The following LRRTM4 variants were observed in gnomAD, a reference collection of about 807,000 sequenced individuals.
LRRTM4 encodes leucine rich repeat transmembrane neuronal 4.
Under a neutral mutation model 47.6 loss-of-function variants are expected in LRRTM4, and 25 were observed. That is an observed-to-expected ratio of 0.53 (90% CI 0.38 to 0.73). The LOEUF (loss-of-function observed/expected upper bound fraction) is 0.73. Ranked by LOEUF, LRRTM4 falls within the 30% of genes least tolerant of loss-of-function variation. LRRTM4 has a pLI of 0.00. For synonymous variants in LRRTM4, 311 were observed against 269.5 expected (o/e 1.15, Z -1.51); for missense variants, 638 against 713.4 (o/e 0.89, Z 1.20).
chr2:76,962,163 A>G (rs1002883282), intron 3 of LRRTM4, among the ~76,000 whole-genome samples: 1 of 151,356 alleles, frequency 6.6e-6, no homozygotes, highest in Admixed American at 6.6e-5. Context: ...TTTAAATGGT[A>G]GGTCAAATAT....
intron 3 of LRRTM4, among the ~76,000 whole-genome samples, chr2:77,031,074 G>A (rs535390802): frequency 2.0e-5 from 3 of 152,040 alleles, no homozygotes; most frequent in Non-Finnish European, 4.4e-5. Context: ...ATTTACTCAG[G>A]TTTGTAAGCA....
At chr2:77,381,905 T>C (rs1673068810) in intron 3 of LRRTM4, among the ~76,000 whole-genome samples, 1 of 152,108 alleles carries the variant, frequency 6.6e-6, no homozygotes, top group Admixed American at 6.6e-5. Context: ...CTTATTTATA[T>C]GCCATTTATA....
intron 3 of LRRTM4, among the ~76,000 whole-genome samples, chr2:77,499,742 C>A (rs1678501894): frequency 6.6e-6 from 1 of 151,858 alleles, no homozygotes; most frequent in Admixed American, 6.6e-5. Context: ...CTGTAAGTTT[C>A]CATAGTCCCT....
At chr2:77,470,798 A>G (rs1428559100) in intron 3 of LRRTM4, among the ~76,000 whole-genome samples, 1 of 152,156 alleles carries the variant, frequency 6.6e-6, no homozygotes, top group African/African-American at 2.4e-5. Flanking sequence ...TTCCATTTAG[A>G]TTATATGGAT....
chr2:77,518,552 G>T lies in LRRTM4; in HGVS notation c.1317C>A (p.Ile439=). The T allele has an allele frequency of 6.2e-7, 1 of 1,613,362 alleles. No homozygotes were observed. Among genetic ancestry groups the T allele is most frequent in the Non-Finnish European group, 8.5e-7 (1 of 1,179,602 alleles). Residue 439 remains isoleucine (I), a synonymous_variant, in exon 3 of 4, where the codon ATC becomes ATA. Transcript: ENST00000409884. Reference sequence around the variant, plus strand: ...TCCAAGACACATAGATCACCAAGAGGATCATGGCCACTGAGAGAAAGAGAG... The same window carrying T: ...TCCAAGACACATAGATCACCAAGAGTATCATGGCCACTGAGAGAAAGAGAG... ...SVALFLSVAM[I]LLVIYVSWKR...
At chr2:77,253,074 A>C (rs1406975678) in intron 3 of LRRTM4, among the ~76,000 whole-genome samples, 1 of 152,120 alleles carries the variant, frequency 6.6e-6, no homozygotes, top group Non-Finnish European at 1.5e-5. Flanking sequence ...TGTCCACGCT[A>C]ATACCAGGGA....
At position 76,857,652 on chromosome 2, in the gene LRRTM4, A is replaced by C. The variant is rs1448400202; in HGVS notation, c.1552-108736T>G. Reference sequence around the variant, plus strand: ...TTCAGTTACCAAATAAATGTCCTGCATAATTGTTTATACTGATAGTGGTGA... The same window carrying C: ...TTCAGTTACCAAATAAATGTCCTGCCTAATTGTTTATACTGATAGTGGTGA... On this transcript the variant is annotated intron_variant, in intron 3 of 3. Coordinates refer to ENST00000409884, the MANE Select transcript of LRRTM4 (RefSeq NM_001134745.3). Among the ~76,000 whole-genome samples the C allele has an allele frequency of 2.6e-5, 4 of 152,142 alleles. No individual in the cohort carries two copies. In the South Asian group the frequency reaches 8.3e-4, roughly 31 times the overall value.
At chr2:76,840,047 A>G (rs561903207) in intron 3 of LRRTM4, among the ~76,000 whole-genome samples, 1 of 152,278 alleles carries the variant, frequency 6.6e-6, no homozygotes, top group East Asian at 1.9e-4. Flanking sequence ...TTCTACTCCA[A>G]GAAAAGCCTC....
chr2:77,278,368 T>G (rs1460555639), intron 3 of LRRTM4, among the ~76,000 whole-genome samples: 1 of 152,058 alleles, frequency 6.6e-6, no homozygotes, highest in Non-Finnish European at 1.5e-5. Context: ...TTTCTTTGCA[T>G]GTAACATTGT....
intron 3 of LRRTM4, among the ~76,000 whole-genome samples, chr2:77,218,728 A>G (rs893505009): frequency 6.6e-6 from 1 of 152,184 alleles, no homozygotes; most frequent in Non-Finnish European, 1.5e-5. Context: ...CTAATGCTGC[A>G]TATCCAGCTT....
At chr2:77,141,023 G>C (rs1672106387) in intron 3 of LRRTM4, among the ~76,000 whole-genome samples, 1 of 152,122 alleles carries the variant, frequency 6.6e-6, no homozygotes, top group African/African-American at 2.4e-5. Flanking sequence ...CACTGTTGGT[G>C]GGACTGTAAA....
chr2:76,849,690 T>A (rs1332450106), intron 3 of LRRTM4, among the ~76,000 whole-genome samples: 4 of 152,128 alleles, frequency 2.6e-5, no homozygotes, highest in Non-Finnish European at 5.9e-5. Flanking sequence ...ATAATTTTCA[T>A]AGCAAGTCAA....
At chr2:77,508,218 T>G (rs1678852329) in intron 3 of LRRTM4, among the ~76,000 whole-genome samples, 1 of 152,168 alleles carries the variant, frequency 6.6e-6, no homozygotes, top group Non-Finnish European at 1.5e-5. Flanking sequence ...TATAACTATT[T>G]TCTAAGGTGA....
At chr2:76,813,022 G>C (rs1251911676) in intron 3 of LRRTM4, among the ~76,000 whole-genome samples, 2 of 151,838 alleles carry the variant, frequency 1.3e-5, no homozygotes, top group African/African-American at 4.8e-5. Flanking sequence ...AAAATTAGCT[G>C]GCATGGTGGT....
At chr2:77,219,550 G>T in intron 3 of LRRTM4, among the ~76,000 whole-genome samples, 1 of 152,180 alleles carries the variant, frequency 6.6e-6, no homozygotes, top group South Asian at 2.1e-4. Context: ...ACTTCTAAGA[G>T]GAGGCTGATA....
chr2:77,396,820 C>T (rs1432299972), intron 3 of LRRTM4, among the ~76,000 whole-genome samples: 2 of 151,958 alleles, frequency 1.3e-5, no homozygotes, highest in Non-Finnish European at 1.5e-5. Flanking sequence ...TGTTGAGCAA[C>T]AAGTTCAATT....
chr2:77,459,652 G>A (rs1354171473), intron 3 of LRRTM4, among the ~76,000 whole-genome samples: 5 of 151,272 alleles, frequency 3.3e-5, no homozygotes, highest in Non-Finnish European at 7.4e-5. Flanking sequence ...AAGCCCAGGT[G>A]AAGCCCCTGT....
chr2:76,888,795 A>C (rs1673160531), intron 3 of LRRTM4, among the ~76,000 whole-genome samples: 1 of 151,750 alleles, frequency 6.6e-6, no homozygotes, highest in Admixed American at 6.6e-5. Context: ...TGCATCTAAC[A>C]CCTGGTTGCC....
chr2:76,748,665 G>C lies in LRRTM4; in HGVS notation c.*30C>G. ...ATGAAGGCCCTCCCTCCCCCCCATGGAGCTCCCCAGTGAGGAGTTGGCTTC... is the reference window on the plus strand; with the variant it reads ...ATGAAGGCCCTCCCTCCCCCCCATGCAGCTCCCCAGTGAGGAGTTGGCTTC... On this transcript the variant is annotated 3_prime_UTR_variant, in exon 4 of 4. Transcript: ENST00000409884. The C allele has an allele frequency of 6.5e-7, 1 of 1,536,650 alleles. No individual in the cohort carries two copies. Among genetic ancestry groups the C allele is most frequent in the Non-Finnish European group, 9.0e-7 (1 of 1,117,204 alleles).
Sources: allele counts gnomAD v4.1 joint callset (sites outside exome capture counted in the v4.1 genomes callset), GRCh38; gene constraint gnomAD v4.1.1; transcripts MANE v1.5; gene names NCBI Gene and HGNC (gene_info 2026-07-23, HGNC 2026-07-21).